SMOC1: variants seen among roughly 807,000 people sequenced by gnomAD.
The protein encoded by SMOC1 is SPARC-related modular calcium-binding protein 1.
A neutral mutation model predicts 56.3 loss-of-function variants in SMOC1; 22 were observed. That is an observed-to-expected ratio of 0.39 (90% confidence interval 0.28 to 0.56). The LOEUF (loss-of-function observed/expected upper bound fraction) is 0.56, where lower values mean the gene tolerates loss of function less well. SMOC1 is among the 20% of genes least tolerant of loss of function. The pLI, the probability that SMOC1 is intolerant of heterozygous loss-of-function variation, is 0.61. For synonymous variants in SMOC1, 193 were observed against 215.0 expected, an observed-to-expected ratio of 0.90 and a Z score of 0.89; for missense variants, 509 against 565.4, an observed-to-expected ratio of 0.90 and a Z score of 1.01.
intron 6 of SMOC1, 39 bp downstream of exon 6, chr14:69,992,512 T>C (rs1324666534): frequency 6.8e-7 from 1 of 1,472,044 alleles, no homozygotes; most frequent in African/African-American, 1.4e-5. Flanking sequence ...ATTCTCCCAC[T>C]CATTTTCAGG....
At chr14:69,968,779 C>T (rs1475990472) in intron 3 of SMOC1, among the ~76,000 whole-genome samples, 1 of 152,212 alleles carries the variant, frequency 6.6e-6, no homozygotes, top group East Asian at 1.9e-4. Context: ...TGTTCATATA[C>T]ATGACAGCAG....
intron 11 of SMOC1, among the ~76,000 whole-genome samples, chr14:70,027,080 C>T (rs1380147960): frequency 6.6e-6 from 1 of 152,154 alleles, no homozygotes; most frequent in East Asian, 1.9e-4. Flanking sequence ...TGTGTCCCCA[C>T]TCTCCATTTC....
chr14:69,894,435 C>T (rs865815091), intron 1 of SMOC1, among the ~76,000 whole-genome samples: 29 of 152,308 alleles, frequency 1.9e-4, no homozygotes, highest in Middle Eastern at 3.4e-3. Flanking sequence ...ATGCCATGCT[C>T]GACTTGGGCC....
intron 10 of SMOC1, among the ~76,000 whole-genome samples, 159 bp from the exon 11 acceptor site, chr14:70,023,044 A>T (rs536248376): frequency 6.6e-6 from 1 of 152,218 alleles, no homozygotes; most frequent in African/African-American, 2.4e-5. Flanking sequence ...GTCGGAGAGG[A>T]TGGCTTAACG....
At chr14:69,988,326 A>G (rs1479665686) in intron 5 of SMOC1, among the ~76,000 whole-genome samples, 1 of 149,408 alleles carries the variant, frequency 6.7e-6, no homozygotes, top group Non-Finnish European at 1.5e-5. Flanking sequence ...TCCTTTTAAT[A>G]TGGAAGATTA....
intron 1 of SMOC1, among the ~76,000 whole-genome samples, chr14:69,939,174 G>T (rs557041804): frequency 9.8e-5 from 15 of 152,294 alleles, no homozygotes; most frequent in Non-Finnish European, 2.1e-4. Context: ...ACATACCCAA[G>T]ACTGGGTCAT....
chr14:69,956,758 C>T (rs1417332082), intron 3 of SMOC1, among the ~76,000 whole-genome samples: 1 of 152,132 alleles, frequency 6.6e-6, no homozygotes, highest in African/African-American at 2.4e-5. Flanking sequence ...CTACCTCCAA[C>T]CCCAACTCAC....
intron 1 of SMOC1, among the ~76,000 whole-genome samples, chr14:69,933,065 G>C (rs1427795064): frequency 1.3e-5 from 2 of 152,216 alleles, no homozygotes; most frequent in East Asian, 3.9e-4. Flanking sequence ...GGGGTGCAGA[G>C]CAAAAGTTTA....
chr14:69,928,599 CT>C (rs1885078856), intron 1 of SMOC1, among the ~76,000 whole-genome samples: 1 of 131,282 alleles, frequency 7.6e-6, no homozygotes, highest in African/African-American at 3.0e-5. Context: ...ATGTGCACTA[CT>C]TTAGAGGTGC....
At chr14:70,001,550 C>T (rs1193419312) in intron 7 of SMOC1, among the ~76,000 whole-genome samples, 3 of 152,136 alleles carry the variant, frequency 2.0e-5, no homozygotes, top group African/African-American at 7.2e-5. Context: ...AGACCTAATA[C>T]CCCTTTATTG....
rs1885790998 is a variant in SMOC1, at chr14:70,023,143, T to C, written c.1047-60T>C. ...CTGGGGGCAGTCATACCAGGGCTGATGGTTCCTGCAAGATCCTGATTGGTG... is the reference window on the plus strand; with the variant it reads ...CTGGGGGCAGTCATACCAGGGCTGACGGTTCCTGCAAGATCCTGATTGGTG... On this transcript the variant is annotated intron_variant, in intron 10 of 11. Transcript: ENST00000361956. 3 of 1,612,450 alleles carry C rather than the reference T, an allele frequency of 1.9e-6. No homozygotes were observed. The Admixed American group carries it at 5.0e-5, about 27-fold the overall frequency.
chr14:69,951,321 A>T (rs561226571), intron 1 of SMOC1, among the ~76,000 whole-genome samples: 3 of 152,316 alleles, frequency 2.0e-5, no homozygotes, highest in Admixed American at 1.3e-4. Context: ...AAGGGAGAGG[A>T]AATTAGACTC....
intron 1 of SMOC1, among the ~76,000 whole-genome samples, chr14:69,886,967 A>G (rs1364361130): frequency 6.6e-6 from 1 of 152,228 alleles, no homozygotes; most frequent in African/African-American, 2.4e-5. Flanking sequence ...GAAGTTGAGT[A>G]TTCACATTTC....
chr14:69,966,677 T>C (rs144209166), intron 3 of SMOC1, among the ~76,000 whole-genome samples: 4 of 152,318 alleles, frequency 2.6e-5, no homozygotes, highest in Admixed American at 2.6e-4. Context: ...AGGAAGCTTA[T>C]TCTCACAATG....
intron 2 of SMOC1, 114 bp from the exon 3 acceptor site, chr14:69,953,306 A>G: frequency 2.2e-6 from 2 of 910,576 alleles, no homozygotes; most frequent in Non-Finnish European, 1.8e-6. Context: ...TGGACAAGCC[A>G]GTTAGTTGTG....
At chr14:69,968,428 G>A (rs1883647814) in intron 3 of SMOC1, among the ~76,000 whole-genome samples, 1 of 152,144 alleles carries the variant, frequency 6.6e-6, no homozygotes. Flanking sequence ...GATGTTCTTG[G>A]GGGTGGGGAC....
intron 1 of SMOC1, among the ~76,000 whole-genome samples, chr14:69,943,918 G>A (rs1882679665): frequency 6.6e-6 from 1 of 152,220 alleles, no homozygotes. Flanking sequence ...GGCATCTGGG[G>A]CATAGTGTCT....
intron 1 of SMOC1, among the ~76,000 whole-genome samples, chr14:69,938,935 G>C (rs766050497): frequency 5.3e-5 from 8 of 152,090 alleles, no homozygotes; most frequent in Non-Finnish European, 1.0e-4. Context: ...ACTTCCTAAG[G>C]GCTCTTCTCA....
chr14:69,932,138 C>T (rs770962466), intron 1 of SMOC1, among the ~76,000 whole-genome samples: 1 of 152,186 alleles, frequency 6.6e-6, no homozygotes, highest in African/African-American at 2.4e-5. Context: ...CTCAAGGGAA[C>T]GGGAACACCC....
Sources: allele counts gnomAD v4.1 joint callset (sites outside exome capture counted in the v4.1 genomes callset), GRCh38; gene constraint gnomAD v4.1.1; transcripts MANE v1.5; gene names NCBI Gene and HGNC (gene_info 2026-07-23, HGNC 2026-07-21).